Variants in COL5A1 observed in about 807,000 individuals in gnomAD.
The protein encoded by COL5A1 is collagen type V alpha 1 chain.
COL5A1 carries 16 observed loss-of-function variants against 263.7 expected under a neutral mutation model. That is an observed-to-expected ratio of 0.06 (90% CI 0.04 to 0.09). The LOEUF (loss-of-function observed/expected upper bound fraction) is 0.09. Ranked by LOEUF, COL5A1 falls within the 10% of genes least tolerant of loss-of-function variation. COL5A1 has a pLI of 1.00. For synonymous variants in COL5A1, 1,012 were observed against 1,004.5 expected (o/e 1.01, Z -0.14); for missense variants, 2,036 against 2,540.5 (o/e 0.80, Z 4.27).
chr9:134,713,117 C>A (rs1346540361), intron 4 of COL5A1, among the ~76,000 whole-genome samples: 1 of 152,262 alleles, frequency 6.6e-6, no homozygotes, highest in African/African-American at 2.4e-5. Context: ...TGCAGGTTTT[C>A]CTGCGAGCTA....
At chr9:134,752,434 C>T (rs62574082) in intron 13 of COL5A1, among the ~76,000 whole-genome samples, 155 bp from the exon 14 acceptor site, 1 of 148,510 alleles carries the variant, frequency 6.7e-6, no homozygotes, top group Non-Finnish European at 1.5e-5. Flanking sequence ...GGGGGGGGCC[C>T]TTGGGGAGTC....
intron 4 of COL5A1, among the ~76,000 whole-genome samples, chr9:134,725,440 G>A (rs1834613344): frequency 1.3e-5 from 2 of 152,118 alleles, no homozygotes; most frequent in African/African-American, 4.8e-5. Context: ...ATATTGGTCG[G>A]CTTCTATGCA....
rs189122019 is a variant in COL5A1 at position 134,692,799 on chromosome 9, C to T, written c.277+1720C>T. Among the ~76,000 whole-genome samples the T allele has an allele frequency of 1.0e-3, 156 of 152,236 alleles. 1 individual carries two copies. The highest frequency in any genetic ancestry group is 1.7e-3 in the Non-Finnish European group (117 of 68,020). Reference sequence around the variant, plus strand: ...GATAAATAATCTAGGATCAGCTGGGCGCGGTGGCTCACCCTGTAATCCCAG... The same window carrying T: ...GATAAATAATCTAGGATCAGCTGGGTGCGGTGGCTCACCCTGTAATCCCAG... On this transcript the variant is annotated intron_variant, in intron 2 of 65. Transcript: ENST00000371817.
rs764603796 is a variant in COL5A1 at position 134,763,705 on chromosome 9, G to A, written c.2002G>A (p.Glu668Lys). The A allele has an allele frequency of 1.5e-5, 24 of 1,613,650 alleles. No individual in the cohort carries two copies. Among genetic ancestry groups the A allele is most frequent in the Non-Finnish European group, 1.9e-5 (23 of 1,179,864 alleles). The change falls in exon 20 of 66, where the codon GAA becomes AAA. Residue 668 changes from glutamate (E) to lysine (K), a missense_variant. This residue lies in a region of COL5A1 where 1,078 missense variants were observed against 1,521.4 expected (regional missense o/e 0.71). Transcript: ENST00000371817. ...GDDGERGDDGEVGPRGLPGEP... is the reference protein window; with the variant it reads ...GDDGERGDDGKVGPRGLPGEP... ...TTCTCCTCTGCAGGGTGACGACGGAGAAGTTGGGCCCAGGGGGCTGCCTGG... is the reference window on the plus strand; with the variant it reads ...TTCTCCTCTGCAGGGTGACGACGGAAAAGTTGGGCCCAGGGGGCTGCCTGG...
At chr9:134,697,772 C>T (rs1219717495) in intron 2 of COL5A1, among the ~76,000 whole-genome samples, 1 of 152,162 alleles carries the variant, frequency 6.6e-6, no homozygotes, top group Non-Finnish European at 1.5e-5. Flanking sequence ...CTAAGGCTGT[C>T]ATCTCCAGAG....
chr9:134,820,720 A>G (rs181979406), intron 58 of COL5A1, among the ~76,000 whole-genome samples: 24 of 152,194 alleles, frequency 1.6e-4, no homozygotes, highest in Non-Finnish European at 2.9e-4. Context: ...CCATGCAGAG[A>G]GCTTCACTCT....
chr9:134,728,332 A>G (rs1210666941), intron 5 of COL5A1, among the ~76,000 whole-genome samples: 1 of 152,210 alleles, frequency 6.6e-6, no homozygotes, highest in Non-Finnish European at 1.5e-5. Context: ...CCTGCTGGAG[A>G]CATGGTGACG....
At chr9:134,813,757 G>T (rs1838630953) in intron 48 of COL5A1, among the ~76,000 whole-genome samples, 1 of 152,240 alleles carries the variant, frequency 6.6e-6, no homozygotes, top group Non-Finnish European at 1.5e-5. Flanking sequence ...AGACAGTGTT[G>T]CTTGCAGTCT....
At chr9:134,831,568 C>T (rs1839629466) in intron 64 of COL5A1, among the ~76,000 whole-genome samples, 1 of 152,152 alleles carries the variant, frequency 6.6e-6, no homozygotes, top group African/African-American at 2.4e-5. Context: ...TGGGATCAGG[C>T]AAGGAAGGGG....
intron 1 of COL5A1, among the ~76,000 whole-genome samples, chr9:134,667,860 C>T (rs570619320): frequency 5.3e-5 from 8 of 152,278 alleles, no homozygotes; most frequent in African/African-American, 1.7e-4. Context: ...CTTCCTAGGG[C>T]GTTTTGTGTC....
At position 134,750,821 on chromosome 9, in the gene COL5A1, C is replaced by G. The variant is rs1223964610; in HGVS notation, c.1601C>G (p.Ser534Cys). 6.2e-7 allele frequency: 1 copy of G among 1,613,260 alleles called. No homozygotes were observed. The highest frequency in any genetic ancestry group is 2.2e-5 in the East Asian group (1 of 44,860). ...FRFGGGGDAG[S>C]KGPMVSAQES... ...TTTGGAGGTGGCGGCGATGCGGGCT[C>G]CAAAGGCCCCATGGTCTCAGCCCAG... is the stretch of plus-strand genomic sequence containing the variant. Residue 534 changes from serine (S) to cysteine (C), a missense_variant, in exon 13 of 66, where the codon TCC becomes TGC. Physicochemically the swap from Ser to Cys is moderately radical, Grantham distance 112. Coordinates refer to ENST00000371817, the MANE Select transcript of COL5A1 (RefSeq NM_000093.5).
At chr9:134,687,662 T>C (rs1833127099) in intron 1 of COL5A1, among the ~76,000 whole-genome samples, 2 of 151,962 alleles carry the variant, frequency 1.3e-5, no homozygotes, top group African/African-American at 4.8e-5. Context: ...CACTAAAGAG[T>C]AGGCACCGGG....
chr9:134,801,904 G>C, intron 37 of COL5A1, 50 bp from the exon 38 acceptor site: 3 of 1,558,838 alleles, frequency 1.9e-6, no homozygotes, highest in Non-Finnish European at 2.7e-6. Flanking sequence ...GCAGGGCAGG[G>C]TGGCGCAGGC....
chr9:134,799,887 G>A (rs766849224), intron 37 of COL5A1, among the ~76,000 whole-genome samples: 1 of 152,180 alleles, frequency 6.6e-6, no homozygotes, highest in Non-Finnish European at 1.5e-5. Flanking sequence ...ACGGAGGCTG[G>A]TGAAAGAATT....
Position 134,782,693 on chromosome 9 carries a change from A to G in COL5A1, c.2457A>G (p.Lys819=). Residue 819 remains lysine (K), a synonymous_variant, in exon 29 of 66, where the codon AAA becomes AAG. Transcript: ENST00000371817. ...EKGEDGFPGF[K]GDMGIKGDRG... is the part of the protein sequence containing the mutation. ...GTGAAGACGGCTTTCCTGGGTTTAA[A>G]GGAGACATGGGCATCAAGGGTGATC... 6.2e-7 allele frequency: 1 copy of G among 1,612,120 alleles called. No individual in the cohort carries two copies. The highest frequency in any genetic ancestry group is 8.5e-7 in the Non-Finnish European group (1 of 1,179,208).
Position 134,803,117 on chromosome 9 carries a change from C to A in COL5A1, c.3114+122C>A, listed in dbSNP as rs750724243. ...TTCGTCAAACAGACGCTTCTCATGC[C>A]GGTTCACTCCCCAGACCGCACGTTT... On this transcript the variant is annotated intron_variant, in intron 39 of 65. Coordinates refer to ENST00000371817, the MANE Select transcript of COL5A1 (RefSeq NM_000093.5). The A allele has an allele frequency of 8.5e-6, 7 of 827,512 alleles. No homozygotes were observed. The South Asian group carries it at 8.7e-5, about 10-fold the overall frequency. The allele number at this position is 827,512 out of a possible 1,614,324, so 51.3% of individuals were successfully genotyped here.
chr9:134,759,734 ACACACACAC>A (rs1564438615), intron 18 of COL5A1, among the ~76,000 whole-genome samples: 136 of 47,894 alleles, frequency 2.8e-3, no homozygotes, highest in African/African-American at 9.2e-3. Context: ...CCACACTCAT[ACACACACAC>A]CACACATGCA....
rs145773365 is a variant in COL5A1 at position 134,793,350 on chromosome 9, G to A, written c.2701-1732G>A. 4.9e-3 allele frequency among the ~76,000 whole-genome samples: 734 copies of A among 150,022 alleles called. 4 individuals carry two copies. The highest frequency in any genetic ancestry group is 6.9e-3 in the Non-Finnish European group (468 of 67,620). ...AGGGCAAGAAGACAGGTGCCCACAA[G>A]CAATTTGCAAGGGAGAAGGAAGGCT... On this transcript the variant is annotated intron_variant, in intron 32 of 65. Coordinates refer to ENST00000371817, the MANE Select transcript of COL5A1 (RefSeq NM_000093.5).
chr9:134,727,806 C>T (rs1834717093), intron 5 of COL5A1, among the ~76,000 whole-genome samples: 1 of 152,162 alleles, frequency 6.6e-6, no homozygotes, highest in Non-Finnish European at 1.5e-5. Flanking sequence ...AATGGCCAGC[C>T]CTCGGATCCC....
Sources: allele counts gnomAD v4.1 joint callset (sites outside exome capture counted in the v4.1 genomes callset), GRCh38; gene constraint gnomAD v4.1.1; regional missense constraint gnomAD v4.1.1; transcripts MANE v1.5; gene names NCBI Gene and HGNC (gene_info 2026-07-23, HGNC 2026-07-21).